Variants in MAD2L1BP observed in about 807,000 individuals in gnomAD.
MAD2L1BP encodes the protein MAD2L1 binding protein, also known as MAD2L1-binding protein.
In MAD2L1BP, 22 loss-of-function variants were observed where a neutral mutation model predicts 28.4. The observed-to-expected ratio is 0.77, with a 90% CI of 0.55 to 1.10. The LOEUF is 1.10. Among genes scored for constraint, MAD2L1BP ranks in the 50% least tolerant of loss-of-function variants. The probability of loss-of-function intolerance (pLI) is 0.00; values close to 1 mark genes in which losing one functional copy is unlikely to be tolerated. For missense variants in MAD2L1BP, 325 were observed against 350.5 expected, an observed-to-expected ratio of 0.93 and a Z score of 0.58; for synonymous variants, 146 against 133.7, an observed-to-expected ratio of 1.09 and a Z score of -0.63.
At position 43,640,835 on chromosome 6, in the gene MAD2L1BP, A is replaced by C. The variant is rs767857403; in HGVS notation, c.*302A>C. On this transcript the variant is annotated 3_prime_UTR_variant, in exon 3 of 3. Transcript: ENST00000372171. ...AAATGGGTCCATAGACACTCTATGG[A>C]GGTGTCCCTTTCTGCTCTTTGCTGT... The C allele has an allele frequency of 1.1e-4, 33 of 292,044 alleles. No individual in the cohort carries two copies. Among genetic ancestry groups the C allele is most frequent in the Non-Finnish European group, 2.0e-4 (31 of 157,742 alleles). 18.1% of individuals were successfully genotyped at this position (292,044 alleles called of 1,614,324 possible).
chr6:43,633,097 C>T (rs1770018543), upstream of MAD2L1BP: 4 of 383,696 alleles, frequency 1.0e-5, no homozygotes, highest in Non-Finnish European at 2.0e-5. Flanking sequence ...ATTCTCCCAC[C>T]TCGGCCTCCC....
At chr6:43,636,672 TG>T (rs1308033393) in intron 2 of MAD2L1BP, 26 bp downstream of exon 2, 2 of 1,603,528 alleles carry the variant, frequency 1.2e-6, no homozygotes, top group African/African-American at 2.7e-5. Flanking sequence ...GGGAGCAAGT[TG>T]GTGGGAAGAC....
Position 43,640,252 on chromosome 6 carries a change from A to G in MAD2L1BP, c.544A>G (p.Ser182Gly), listed in dbSNP as rs752073180. The G allele has an allele frequency of 6.2e-7, 1 of 1,613,872 alleles. No individual in the cohort carries two copies. The highest frequency in any genetic ancestry group is 1.1e-5 in the South Asian group (1 of 91,070). The change falls in exon 3 of 3, where the codon AGC becomes GGC. Residue 182 changes from serine (S) to glycine (G), a missense_variant. Coordinates refer to ENST00000372171, the MANE Select transcript of MAD2L1BP (RefSeq NM_014628.3). ...LAPYSVDQSL[S>G]TAACLRRLFR... ...CCCCTACAGCGTGGACCAGAGCCTG[A>G]GCACAGCAGCTTGTTTGCGCCGTCT...
intron 2 of MAD2L1BP, 94 bp downstream of exon 2, chr6:43,636,740 C>A: frequency 6.9e-7 from 1 of 1,440,940 alleles, no homozygotes; most frequent in Non-Finnish European, 9.5e-7. Flanking sequence ...TCTTCAAAGC[C>A]TGAGAGAATA....
upstream of MAD2L1BP, among the ~76,000 whole-genome samples, chr6:43,632,504 A>G (rs1353618015): frequency 6.7e-6 from 1 of 148,944 alleles, no homozygotes; most frequent in Non-Finnish European, 1.5e-5. Flanking sequence ...CAGTTCTCCC[A>G]CCTTGGCCTC....
At chr6:43,636,008 C>T (rs1770195945) in intron 1 of MAD2L1BP, 87 bp downstream of exon 1, 2 of 1,319,376 alleles carry the variant, frequency 1.5e-6, no homozygotes, top group African/African-American at 1.5e-5. Context: ...TCCGCTGGTC[C>T]TCTCCCTAGC....
chr6:43,632,060 C>T (rs1487599116), upstream of MAD2L1BP, among the ~76,000 whole-genome samples: 3 of 151,986 alleles, frequency 2.0e-5, no homozygotes, highest in South Asian at 2.1e-4. Context: ...CCACCACACC[C>T]GGCTAATTTT....
At chr6:43,635,835 C>T (rs986407366), upstream of MAD2L1BP, 2 of 1,459,960 alleles carry the variant, frequency 1.4e-6, no homozygotes, top group South Asian at 1.4e-5. Flanking sequence ...CCCCGCGAGA[C>T]CTTTATTCTA....
At chr6:43,633,874 C>T (rs929661230), upstream of MAD2L1BP, among the ~76,000 whole-genome samples, 1 of 152,160 alleles carries the variant, frequency 6.6e-6, no homozygotes, top group Non-Finnish European at 1.5e-5. Flanking sequence ...CTTGCCCGGC[C>T]ATTTGTCTAT....
At chr6:43,635,507 G>C (rs1410716814), upstream of MAD2L1BP, among the ~76,000 whole-genome samples, 1 of 152,206 alleles carries the variant, frequency 6.6e-6, no homozygotes, top group Non-Finnish European at 1.5e-5. Context: ...CCTTGAGCAC[G>C]GGGCCCGCGC....
At position 43,636,477 on chromosome 6, in the gene MAD2L1BP, C is replaced by G. The variant is rs753610021; in HGVS notation, c.143C>G (p.Ala48Gly). Reference protein sequence around the residue: ...STQEPLNASEAFCPRDCMVPV... With the variant: ...STQEPLNASEGFCPRDCMVPV... ...CAGGAACCTCTCAACGCTTCGGAGG[C>G]CTTTTGCCCAAGAGACTGCATGGTA... Residue 48 changes from alanine to glycine, a missense_variant, in exon 2 of 3, where the codon GCC becomes GGC. By Grantham distance (60) the Ala-to-Gly change is moderately conservative (BLOSUM62 0). Transcript: ENST00000372171. The G allele has an allele frequency of 1.2e-5, 20 of 1,614,046 alleles. No homozygotes were observed. Among genetic ancestry groups the G allele is most frequent in the African/African-American group, 1.3e-5 (1 of 74,924 alleles).
chr6:43,640,131 C>T lies in MAD2L1BP; in HGVS notation c.423C>T (p.Phe141=). The change falls in exon 3 of 3, where the codon TTC becomes TTT. Residue 141 remains phenylalanine, a synonymous_variant. Coordinates refer to ENST00000372171, the MANE Select transcript of MAD2L1BP (RefSeq NM_014628.3). ...LESVLSHLED[F]FARTLVPRVL... is the part of the protein sequence containing the mutation. ...GTGTCCTCAGCCACCTGGAGGACTT[C>T]TTTGCACGGACACTAGTACCGCGAG... The T allele has an allele frequency of 6.2e-7, 1 of 1,611,204 alleles. No homozygotes were observed. Among genetic ancestry groups the T allele is most frequent in the Non-Finnish European group, 8.5e-7 (1 of 1,177,846 alleles).
intron 1 of MAD2L1BP, 25 bp from the exon 2 acceptor site, chr6:43,636,356 T>A: frequency 6.2e-7 from 1 of 1,611,916 alleles, no homozygotes; most frequent in Non-Finnish European, 8.5e-7. Flanking sequence ...AATTTTTCTC[T>A]CTTGTCCCTC....
chr6:43,633,346 A>G, upstream of MAD2L1BP: 1 of 316,944 alleles, frequency 3.2e-6, no homozygotes, highest in Middle Eastern at 1.2e-3. Flanking sequence ...CTAATTTTGT[A>G]TTTTTAGTAG....
In MAD2L1BP at chr6:43,640,349, T is replaced by C. The variant is rs1351266503; in HGVS notation, c.641T>C (p.Met214Thr). The C allele has an allele frequency of 1.2e-6, 2 of 1,613,842 alleles. No homozygotes were observed. Among genetic ancestry groups the C allele is most frequent in the Non-Finnish European group, 1.7e-6 (2 of 1,179,988 alleles). Residue 214 changes from methionine (M) to threonine (T), a missense_variant, in exon 3 of 3, where the codon ATG becomes ACG. Met to Thr is a moderately conservative substitution (Grantham distance 81). Transcript: ENST00000372171. ...CCTCCACTCATGGGCACCGTCGTCA[T>C]GGCACAGGGACACCGCAACTGTGGA... The part of the protein sequence containing the change: ...QAPPLMGTVV[M>T]AQGHRNCGED...
At chr6:43,630,726 G>A (rs1233101176) in intron 1 of MAD2L1BP, among the ~76,000 whole-genome samples, 1 of 148,920 alleles carries the variant, frequency 6.7e-6, no homozygotes, top group Admixed American at 6.7e-5. Context: ...CTGGGCAACA[G>A]AGCGAGACTC....
In MAD2L1BP at chr6:43,636,374, C is replaced by G; in HGVS notation, c.47-7C>G. ...TTTTCTCTCTTGTCCCTCTTTTCAT[C>G]TACCAGATTTGGAGTGGTATGAGAA... On this transcript the variant is annotated splice_region_variant and splice_polypyrimidine_tract_variant and intron_variant, in intron 1 of 2. Transcript: ENST00000372171. The G allele has an allele frequency of 6.2e-7, 1 of 1,613,138 alleles. No homozygotes were observed. Among genetic ancestry groups the G allele is most frequent in the Non-Finnish European group, 8.5e-7 (1 of 1,179,408 alleles).
chr6:43,633,329 C>T (rs765831762), upstream of MAD2L1BP: 6 of 320,094 alleles, frequency 1.9e-5, no homozygotes, highest in Non-Finnish European at 3.0e-5. Flanking sequence ...TGCACCAGCA[C>T]GCCTGGCTAA....
chr6:43,637,425 C>CTTTT (rs766935941), intron 2 of MAD2L1BP, among the ~76,000 whole-genome samples: 3 of 130,052 alleles, frequency 2.3e-5, no homozygotes, highest in African/African-American at 8.5e-5. Context: ...CTTTTTTCTT[C>CTTTT]TTTTTTTTTT....
Sources: gnomAD v4.1 joint callset for allele counts (sites outside exome capture counted in the v4.1 genomes callset) on GRCh38, gnomAD v4.1.1 for gene constraint, MANE v1.5 for transcripts, NCBI Gene and HGNC (gene_info 2026-07-23, HGNC 2026-07-21) for gene names.